GOLGA8M: variants seen among roughly 807,000 people sequenced by gnomAD.
GOLGA8M encodes the protein golgin A8 family member M.
Under a neutral mutation model 87.7 loss-of-function variants are expected in GOLGA8M, and 34 were observed. That is an observed-to-expected ratio of 0.39 (90% CI 0.29 to 0.52). The LOEUF is 0.52. GOLGA8M is among the 20% of genes least tolerant of loss of function. The pLI, the probability that GOLGA8M is intolerant of heterozygous loss-of-function variation, is 0.80. For synonymous variants in GOLGA8M, 138 were observed against 250.2 expected, an observed-to-expected ratio of 0.55 and a Z score of 4.23; for missense variants, 396 against 682.2, an observed-to-expected ratio of 0.58 and a Z score of 4.67.
At chr15:28,704,213 C>T (rs964534841) in intron 13 of GOLGA8M, among the ~76,000 whole-genome samples, 8 of 144,078 alleles carry the variant, frequency 5.6e-5, no homozygotes, top group Non-Finnish European at 1.2e-4. Context: ...GCTGCTGCTG[C>T]AGACTCTGAG....
At chr15:28,711,701 G>C (rs1187861979) in intron 1 of GOLGA8M, 9 of 984,416 alleles carry the variant, frequency 9.1e-6, no homozygotes, top group Non-Finnish European at 1.1e-5. Flanking sequence ...GCAGTTACTA[G>C]GTGGGCTGTG....
intron 8 of GOLGA8M, 67 bp from the exon 9 acceptor site, chr15:28,706,766 C>G: frequency 2.1e-6 from 3 of 1,462,062 alleles, no homozygotes; most frequent in Non-Finnish European, 2.8e-6. Context: ...TGCCCCTTAA[C>G]AGGGCTCGGG....
chr15:28,702,687 T>A lies in GOLGA8M; in HGVS notation c.1427A>T (p.Gln476Leu). 4 of 1,605,802 alleles carry A rather than the reference T, an allele frequency of 2.5e-6. 1 individual carries two copies. The highest frequency in any genetic ancestry group is 3.4e-6 in the Non-Finnish European group (4 of 1,179,496). ...KADLSELVKKQELRFIQYWQE... is the reference protein window; with the variant it reads ...KADLSELVKKLELRFIQYWQE... ...CCAGTATTGAATGAAGCGAAGTTCT[T>A]GTTTCTTCACAAGCTCACTCAGGTC... Residue 476 changes from glutamine (Q) to leucine (L), a missense_variant, in exon 16 of 19, where the codon CAA becomes CTA. By Grantham distance (113) the Gln-to-Leu change is moderately radical. Coordinates refer to ENST00000563027, the MANE Select transcript of GOLGA8M (RefSeq NM_001282468.3).
intron 8 of GOLGA8M, among the ~76,000 whole-genome samples, chr15:28,707,403 T>C (rs560668218): frequency 4.2e-5 from 6 of 144,112 alleles, no homozygotes; most frequent in Non-Finnish European, 8.9e-5. Context: ...CGTTTCCTCT[T>C]TCTACAGAAA....
At position 28,707,189 on chromosome 15, in the gene GOLGA8M, A is replaced by C. The variant is rs1417467264; in HGVS notation, c.592-490T>G. ...TTTCTTGCTGGGGATGGGGGCACAG[A>C]TAGGAAGGGGAAAATTAATCTTTTG... On this transcript the variant is annotated intron_variant, in intron 8 of 18. Transcript: ENST00000563027. 5.9e-5 allele frequency among the ~76,000 whole-genome samples: 8 copies of C among 136,160 alleles called. 1 individual carries two copies. In the East Asian group the frequency reaches 1.9e-3, roughly 32 times the overall value. The allele number at this position is 136,160 out of a possible 152,430, so 89.3% of individuals were successfully genotyped here. A position where few individuals can be genotyped will look rare whatever the true frequency, so the allele number is the denominator to read the frequency against.
In GOLGA8M at chr15:28,699,418, C is replaced by T. The variant is rs570960297; in HGVS notation, c.*2536G>A. ...ACAAATACTCGGCTGAATGAGGTAT[C>T]GCAAAAGACTGCATGCACTTTGGAG... On this transcript the variant is annotated 3_prime_UTR_variant, in exon 19 of 19. Coordinates refer to ENST00000563027, the MANE Select transcript of GOLGA8M (RefSeq NM_001282468.3). 2.7e-5 allele frequency among the ~76,000 whole-genome samples: 4 copies of T among 146,460 alleles called. No homozygotes were observed. Among genetic ancestry groups the T allele is most frequent in the South Asian group, 2.2e-4 (1 of 4,620 alleles).
chr15:28,704,403 C>A (rs1030593234), intron 13 of GOLGA8M, among the ~76,000 whole-genome samples: 2 of 147,218 alleles, frequency 1.4e-5, no homozygotes, highest in African/African-American at 4.9e-5. Context: ...CCTAGAACCC[C>A]ATGCCTCCTT....
intron 2 of GOLGA8M, among the ~76,000 whole-genome samples, 183 bp from the exon 3 acceptor site, chr15:28,709,771 G>T (rs1195755122): frequency 6.6e-6 from 1 of 151,604 alleles, no homozygotes; most frequent in African/African-American, 2.4e-5. Context: ...CCCATCCTGG[G>T]GCCCCTTCAG....
At chr15:28,710,045 C>G (rs2080152655) in intron 2 of GOLGA8M, among the ~76,000 whole-genome samples, 1 of 143,686 alleles carries the variant, frequency 7.0e-6, no homozygotes, top group African/African-American at 2.6e-5. Context: ...ATATCCCTAG[C>G]AGAGCAGATG....
upstream of GOLGA8M, among the ~76,000 whole-genome samples, chr15:28,712,995 C>A (rs1044298717): frequency 6.7e-6 from 1 of 149,164 alleles, no homozygotes; most frequent in South Asian, 2.1e-4. Context: ...CCTATGTTTT[C>A]GTTAAGATTT....
chr15:28,706,790 A>C, intron 8 of GOLGA8M, 91 bp from the exon 9 acceptor site: 2 of 1,286,006 alleles, frequency 1.6e-6, no homozygotes, highest in Non-Finnish European at 1.1e-6. Flanking sequence ...GGCCCAATAT[A>C]CAACTCGGTC....
chr15:28,701,192 T>A lies in GOLGA8M; in HGVS notation c.*762A>T, dbSNP rs2079776466. 1.3e-5 allele frequency among the ~76,000 whole-genome samples: 2 copies of A among 152,040 alleles called. No homozygotes were observed. Among genetic ancestry groups the A allele is most frequent in the South Asian group, 4.1e-4 (2 of 4,824 alleles). ...TGCTGCAGCTCATGATGCAGTATCT[T>A]CATGAGCCCAGAGCACATACAAATC... On this transcript the variant is annotated 3_prime_UTR_variant, in exon 19 of 19. Coordinates refer to ENST00000563027, the MANE Select transcript of GOLGA8M (RefSeq NM_001282468.3).
In GOLGA8M at chr15:28,702,460, C is replaced by T. The variant is rs569038004; in HGVS notation, c.1567+5G>A. Reference sequence around the variant, plus strand: ...CCACCCCCACAGAGATGTTGCACACCCTACCTTCATCTCCTCCCTGAGCTC... The same window carrying T: ...CCACCCCCACAGAGATGTTGCACACTCTACCTTCATCTCCTCCCTGAGCTC... On this transcript the variant is annotated splice_donor_5th_base_variant and intron_variant, in intron 17 of 18. Coordinates refer to ENST00000563027, the MANE Select transcript of GOLGA8M (RefSeq NM_001282468.3). 2.2e-4 allele frequency: 329 copies of T among 1,496,782 alleles called. 1 individual carries two copies. Among genetic ancestry groups the T allele is most frequent in the Admixed American group, 8.9e-4 (48 of 53,954 alleles). The allele number at this position is 1,496,782 out of a possible 1,614,324, so 92.7% of individuals were successfully genotyped here.
At chr15:28,708,311 G>T in intron 5 of GOLGA8M, 64 bp downstream of exon 5, 1 of 1,610,996 alleles carries the variant, frequency 6.2e-7, no homozygotes, top group Non-Finnish European at 8.5e-7. Context: ...GTGGGGATGG[G>T]GTGGAATCTG....
intron 17 of GOLGA8M, 23 bp downstream of exon 17, chr15:28,702,442 C>G (rs2079825448): frequency 7.3e-7 from 1 of 1,367,930 alleles, no homozygotes; most frequent in Non-Finnish European, 9.8e-7. Flanking sequence ...CCCCCACCCC[C>G]ACAGAGATGT....
At chr15:28,712,840 T>C (rs965904875), upstream of GOLGA8M, among the ~76,000 whole-genome samples, 17 of 152,308 alleles carry the variant, frequency 1.1e-4, no homozygotes, top group Non-Finnish European at 2.4e-4. Flanking sequence ...ACCAGTATTA[T>C]CTTAACTGAG....
intron 13 of GOLGA8M, chr15:28,704,857 G>A: frequency 1.8e-6 from 1 of 562,068 alleles, no homozygotes; most frequent in South Asian, 1.8e-5. Context: ...AAAGTGCTGG[G>A]ATTATAGGCA....
rs2079744002 is a variant in GOLGA8M at position 28,699,086 on chromosome 15, T to G, written c.*2868A>C. 6.6e-6 allele frequency among the ~76,000 whole-genome samples: 1 copy of G among 150,676 alleles called. No individual in the cohort carries two copies. The highest frequency in any genetic ancestry group is 1.5e-5 in the Non-Finnish European group (1 of 67,996). On this transcript the variant is annotated 3_prime_UTR_variant, in exon 19 of 19. Coordinates refer to ENST00000563027, the MANE Select transcript of GOLGA8M (RefSeq NM_001282468.3). ...AGTTATATTATTTTAAAACAACTCT[T>G]TAAAGTTTTAGAGAAACTATATTAT...
rs753185552 is a variant in GOLGA8M, at chr15:28,702,260, T to A, written c.1677A>T (p.Pro559=). The A allele has an allele frequency of 4.7e-5, 74 of 1,572,198 alleles. 1 individual carries two copies. The highest frequency in any genetic ancestry group is 6.1e-5 in the Non-Finnish European group (71 of 1,168,900). ...CAAGCTCCTGGGGAGCTGGGGCTCC[T>A]GGACCGGGCTCATCAGCAGAGTTGT... The part of the protein sequence containing the change: ...AAHNSADEPG[P]GAPAPQELGA... Residue 559 remains proline, a synonymous_variant, in exon 18 of 19, where the codon CCA becomes CCT. Transcript: ENST00000563027.
Sources: allele counts gnomAD v4.1 joint callset (sites outside exome capture counted in the v4.1 genomes callset), GRCh38; gene constraint gnomAD v4.1.1; transcripts MANE v1.5; gene names NCBI Gene and HGNC (gene_info 2026-07-23, HGNC 2026-07-21).